The following NUP43 variants were observed in gnomAD, a reference collection of about 807,000 sequenced individuals.
NUP43 encodes the protein nucleoporin Nup43.
A neutral mutation model predicts 47.3 loss-of-function variants in NUP43; 32 were observed. The ratio of observed to expected loss-of-function variants is 0.68; its 90% CI spans 0.51 to 0.91. NUP43 has a LOEUF of 0.91. NUP43 is among the 40% of genes least tolerant of loss of function. NUP43 has a pLI of 0.00. For missense variants in NUP43, 444 were observed against 453.9 expected (o/e 0.98, Z 0.20); for synonymous variants, 147 against 158.4 (o/e 0.93, Z 0.54).
chr6:149,742,301 C>A lies in NUP43; in HGVS notation c.502+89G>T, dbSNP rs899816246. The A allele has an allele frequency of 1.5e-5, 18 of 1,239,504 alleles. No homozygotes were observed. The Admixed American group carries it at 2.0e-4, about 14-fold the overall frequency. 76.8% of individuals were successfully genotyped at this position (1,239,504 alleles called of 1,614,324 possible). On this transcript the variant is annotated intron_variant, in intron 4 of 7. Coordinates refer to ENST00000340413, the MANE Select transcript of NUP43 (RefSeq NM_198887.3). ...TCGGCCTCCCAAAGTGCTGCAATTG[C>A]CGGGGTGAGCCACCACACCCAGCCT...
intron 4 of NUP43, among the ~76,000 whole-genome samples, chr6:149,739,852 A>T (rs1319379576): frequency 3.3e-5 from 5 of 151,914 alleles, no homozygotes; most frequent in African/African-American, 1.2e-4. Context: ...CCATGAAGTC[A>T]CTCCTTATTG....
At chr6:149,748,428 G>A (rs1246442466), upstream of NUP43, among the ~76,000 whole-genome samples, 20 of 152,248 alleles carry the variant, frequency 1.3e-4, no homozygotes, top group Admixed American at 1.3e-3. Context: ...GCAGGCCAGT[G>A]TCACATTTTA....
chr6:149,738,063 A>C (rs1785459033), intron 5 of NUP43, among the ~76,000 whole-genome samples: 1 of 152,248 alleles, frequency 6.6e-6, no homozygotes, highest in African/African-American at 2.4e-5. Flanking sequence ...ATTTTGAAAT[A>C]ATTCAAGGCC....
intron 5 of NUP43, 145 bp downstream of exon 5, chr6:149,738,498 G>A (rs1425896609): frequency 4.0e-6 from 2 of 497,158 alleles, no homozygotes; most frequent in African/African-American, 2.0e-5. Context: ...ACCCCGTCAA[G>A]TTATGCTTGC....
Position 149,726,079 on chromosome 6 carries a change from T to C in NUP43, c.*890A>G, listed in dbSNP as rs1784779421. ...GAAAGAGTTCTGCTCAAAAACCTATTCTGAAAAAGGAACTTGTCAAAACAT... is the reference window on the plus strand; with the variant it reads ...GAAAGAGTTCTGCTCAAAAACCTATCCTGAAAAAGGAACTTGTCAAAACAT... On this transcript the variant is annotated 3_prime_UTR_variant, in exon 8 of 8. Coordinates refer to ENST00000340413, the MANE Select transcript of NUP43 (RefSeq NM_198887.3). The C allele has an allele frequency of 1.3e-5, 2 of 152,116 alleles. No individual in the cohort carries two copies. The highest frequency in any genetic ancestry group is 4.1e-4 in the South Asian group (2 of 4,832). The allele number at this position is 152,116 out of a possible 1,614,324, so 9.4% of individuals were successfully genotyped here.
rs1785047216 is a variant in NUP43 at position 149,731,607 on chromosome 6, T to G, written c.913+6A>C. The G allele has an allele frequency of 1.2e-6, 2 of 1,607,646 alleles. No individual in the cohort carries two copies. Among genetic ancestry groups the G allele is most frequent in the East Asian group, 4.5e-5 (2 of 44,688 alleles). On this transcript the variant is annotated splice_donor_region_variant and intron_variant, in intron 7 of 7. Transcript: ENST00000340413. ...ACACATAACAGTATTCATTAAAAAG[T>G]TTTACCTTGGTGAAAGAGTGACGAC...
chr6:149,738,594 A>G (rs371633587), intron 5 of NUP43, 49 bp downstream of exon 5: 171 of 1,375,574 alleles, frequency 1.2e-4, no homozygotes, highest in Non-Finnish European at 1.6e-4. Context: ...AAACAACCTA[A>G]CACATTAATT....
At chr6:149,728,336 C>A (rs942699090) in intron 7 of NUP43, 1 of 985,094 alleles carries the variant, frequency 1.0e-6, no homozygotes, top group African/African-American at 1.7e-5. Flanking sequence ...AAGTTCAAGA[C>A]TGTGCGGTTA....
In NUP43 at chr6:149,738,779, C is replaced by A; in HGVS notation, c.503-1G>T. ...TGGAGTGTACTACTATCTGCATTGT[C>A]TAAAAATTTAAAAAATGGTAGTATG... On this transcript the variant is annotated splice_acceptor_variant, in intron 4 of 7. Transcript: ENST00000340413. LOFTEE classifies it high-confidence loss of function. 6.8e-7 allele frequency: 1 copy of A among 1,471,732 alleles called. No homozygotes were observed. Among genetic ancestry groups the A allele is most frequent in the Middle Eastern group, 1.8e-4 (1 of 5,536 alleles). The allele number at this position is 1,471,732 out of a possible 1,614,324, so 91.2% of individuals were successfully genotyped here. A position where few individuals can be genotyped will look rare whatever the true frequency, so the allele number is the denominator to read the frequency against.
At chr6:149,742,888 A>G (rs916770059) in intron 3 of NUP43, among the ~76,000 whole-genome samples, 3 of 152,188 alleles carry the variant, frequency 2.0e-5, no homozygotes, top group Non-Finnish European at 4.4e-5. Flanking sequence ...TAAAATATAC[A>G]TATCTGGCCC....
chr6:149,742,097 G>C (rs1398942061), intron 4 of NUP43, among the ~76,000 whole-genome samples: 1 of 151,292 alleles, frequency 6.6e-6, no homozygotes, highest in Non-Finnish European at 1.5e-5. Context: ...TGCGATCTCT[G>C]CTCACTGCAA....
rs1191646020 is a variant in NUP43, at chr6:149,725,029, C to T, written c.*1940G>A. 9.9e-5 allele frequency: 15 copies of T among 152,166 alleles called. No homozygotes were observed. Among genetic ancestry groups the T allele is most frequent in the Non-Finnish European group, 2.2e-4 (15 of 68,034 alleles). The allele number at this position is 152,166 out of a possible 1,614,324, so 9.4% of individuals were successfully genotyped here. A position where few individuals can be genotyped will look rare whatever the true frequency, so the allele number is the denominator to read the frequency against. ...AACCCTTGAAAGACACTCTATTTGA[C>T]AGTTTCATGAATAAAGGCAGTGACA... On this transcript the variant is annotated 3_prime_UTR_variant, in exon 8 of 8. Transcript: ENST00000340413.
upstream of NUP43, among the ~76,000 whole-genome samples, chr6:149,749,154 G>C (rs1011422564): frequency 1.4e-4 from 21 of 151,370 alleles, no homozygotes; most frequent in Non-Finnish European, 3.1e-4. Context: ...CACTCTGAGA[G>C]CTTTAGAACC....
chr6:149,747,568 G>A (rs1212349761), upstream of NUP43, among the ~76,000 whole-genome samples: 2 of 151,738 alleles, frequency 1.3e-5, no homozygotes, highest in Non-Finnish European at 2.9e-5. Flanking sequence ...GATTACAGGC[G>A]TGAGCTAGCA....
intron 6 of NUP43, among the ~76,000 whole-genome samples, chr6:149,734,113 C>T (rs1328003173): frequency 2.6e-5 from 4 of 151,966 alleles, no homozygotes; most frequent in Non-Finnish European, 4.4e-5. Context: ...CATAAGCCAC[C>T]GCCCCCGGCC....
At chr6:149,745,045 C>T (rs933321573) in intron 2 of NUP43, among the ~76,000 whole-genome samples, 1 of 150,870 alleles carries the variant, frequency 6.6e-6, no homozygotes, top group East Asian at 2.0e-4. Flanking sequence ...GGATTACAAG[C>T]GCGCACCAGG....
At chr6:149,741,934 C>T (rs1562382641) in intron 4 of NUP43, among the ~76,000 whole-genome samples, 1 of 152,128 alleles carries the variant, frequency 6.6e-6, no homozygotes, top group Non-Finnish European at 1.5e-5. Flanking sequence ...TCATAGCTCA[C>T]CACAACCTCC....
At chr6:149,738,577 T>C (rs533762982) in intron 5 of NUP43, 66 bp downstream of exon 5, 19 of 1,204,624 alleles carry the variant, frequency 1.6e-5, no homozygotes, top group South Asian at 6.4e-5. Context: ...TTAAAGCCAG[T>C]AGCTATAAAC....
chr6:149,726,881 T>C lies in NUP43; in HGVS notation c.*88A>G. The C allele has an allele frequency of 1.0e-6, 1 of 964,952 alleles. No individual in the cohort carries two copies. The highest frequency in any genetic ancestry group is 1.6e-6 in the Non-Finnish European group (1 of 624,048). The allele number at this position is 964,952 out of a possible 1,614,324, so 59.8% of individuals were successfully genotyped here. On this transcript the variant is annotated 3_prime_UTR_variant, in exon 8 of 8. Coordinates refer to ENST00000340413, the MANE Select transcript of NUP43 (RefSeq NM_198887.3). ...ACTGATGTTTCCCCTGCAAATCTCGTATTTTCTGATACTAAAATTTTGCAC... is the reference window on the plus strand; with the variant it reads ...ACTGATGTTTCCCCTGCAAATCTCGCATTTTCTGATACTAAAATTTTGCAC...
Sources: allele counts gnomAD v4.1 joint callset (sites outside exome capture counted in the v4.1 genomes callset), GRCh38; gene constraint gnomAD v4.1.1; transcripts MANE v1.5; gene names NCBI Gene and HGNC (gene_info 2026-07-23, HGNC 2026-07-21).